The following VILL variants were observed in gnomAD, a reference collection of about 807,000 sequenced individuals.
The protein encoded by VILL is villin-like protein.
A neutral mutation model predicts 106.3 loss-of-function variants in VILL; 102 were observed. That is an observed-to-expected ratio of 0.96 (90% confidence interval 0.82 to 1.13). The LOEUF (loss-of-function observed/expected upper bound fraction) is 1.13. Among genes scored for constraint, VILL ranks in the 50% most tolerant of loss-of-function variants. VILL has a pLI of 0.00. For missense variants in VILL, 1,076 were observed against 1,116.6 expected (o/e 0.96, Z 0.52); for synonymous variants, 431 against 440.3 (o/e 0.98, Z 0.27).
rs1246389835 is a variant in VILL, at chr3:37,993,959, A to G, written c.122A>G (p.Tyr41Cys). Residue 41 changes from tyrosine (Y) to cysteine (C), a missense_variant, in exon 3 of 20, where the codon TAT becomes TGT. Physicochemically the swap from Tyr to Cys is radical, Grantham distance 194. Transcript: ENST00000383759. The stretch of plus-strand genomic sequence containing the variant: ...GGGAACTTTTTTGAGGAACACTGCT[A>G]TGTCATCCTCCACGTGAGTCGCTTG... ...AYGNFFEEHCYVILHVPQSPK... is the reference protein window; with the variant it reads ...AYGNFFEEHCCVILHVPQSPK... 2.1e-5 allele frequency: 34 copies of G among 1,614,042 alleles called. No homozygotes were observed. Among genetic ancestry groups the G allele is most frequent in the Non-Finnish European group, 2.9e-5 (34 of 1,180,032 alleles).
chr3:37,993,579 T>C lies in VILL; in HGVS notation c.-86-8T>C. On this transcript the variant is annotated splice_polypyrimidine_tract_variant and splice_region_variant and intron_variant, in intron 1 of 19. Transcript: ENST00000383759. ...CCCTCCTAATAAAAGTCATGTTCTA[T>C]AATGAAGTTGTACAGGTAGCCAGGT... 8.6e-7 allele frequency: 1 copy of C among 1,167,924 alleles called. No homozygotes were observed. Among genetic ancestry groups the C allele is most frequent in the Non-Finnish European group, 1.3e-6 (1 of 799,708 alleles). The allele number at this position is 1,167,924 out of a possible 1,614,324, so 72.3% of individuals were successfully genotyped here.
chr3:37,999,593 T>C (rs995431974), intron 11 of VILL, among the ~76,000 whole-genome samples, 154 bp downstream of exon 11: 1 of 152,148 alleles, frequency 6.6e-6, no homozygotes, highest in African/African-American at 2.4e-5. Context: ...CATACTCTCC[T>C]AGCAGGCAGT....
chr3:37,996,510 C>T (rs1036617958), intron 5 of VILL, among the ~76,000 whole-genome samples: 4 of 152,202 alleles, frequency 2.6e-5, no homozygotes, highest in Non-Finnish European at 5.9e-5. Flanking sequence ...AGGTGTACAA[C>T]GTCTACAGTG....
In VILL at chr3:37,998,895, G is replaced by A. The variant is rs759909935; in HGVS notation, c.943-17G>A. On this transcript the variant is annotated splice_polypyrimidine_tract_variant and intron_variant, in intron 9 of 19. Coordinates refer to ENST00000383759, the MANE Select transcript of VILL (RefSeq NM_015873.4). This position sits in a 1 kb window ranked among gnomAD's most constrained non-coding sequence, Gnocchi z 4.1. ...GGACTCTCAGGGTCGCAGGACTGAC[G>A]ATGCCTTCCGCCCCAGGGCTTCATC... The A allele has an allele frequency of 6.3e-7, 1 of 1,583,988 alleles. No individual in the cohort carries two copies.
In VILL at chr3:37,995,833, G is replaced by T. The variant is rs150800985; in HGVS notation, c.436G>T (p.Val146Leu). Residue 146 changes from valine to leucine, a missense_variant, in exon 5 of 20, where the codon GTG becomes TTG. Coordinates refer to ENST00000383759, the MANE Select transcript of VILL (RefSeq NM_015873.4). The stretch of plus-strand genomic sequence containing the variant: ...GCTGCACATCAAAGGGAGGAAGCAC[G>T]TGTCTGCCACTGAGGTGAGGCTGCC... ...RLLHIKGRKH[V>L]SATEVELSWN... The T allele has an allele frequency of 6.2e-7, 1 of 1,613,548 alleles. No individual in the cohort carries two copies. The highest frequency in any genetic ancestry group is 1.1e-5 in the South Asian group (1 of 91,054).
Position 38,005,893 on chromosome 3 carries a change from A to G in VILL, c.2052A>G (p.Thr684=). The G allele has an allele frequency of 2.5e-6, 4 of 1,614,100 alleles. No individual in the cohort carries two copies. Among genetic ancestry groups the G allele is most frequent in the South Asian group, 1.1e-5 (1 of 91,076 alleles). The change falls in exon 17 of 20, where the codon ACA becomes ACG. Residue 684 remains threonine (T), a synonymous_variant. Transcript: ENST00000383759. ...ACCCAGCAGGGAGGAGCCCGGCCAC[A>G]CCCATCGTGCTGGTCAAGCAGGGCC... ...KTHPAGRSPA[T]PIVLVKQGHE...
rs531684922 is a variant in VILL at position 37,998,687 on chromosome 3, G to A, written c.943-225G>A. Among the ~76,000 whole-genome samples, 2 of 152,258 alleles carry A rather than the reference G, an allele frequency of 1.3e-5. No individual in the cohort carries two copies. Among genetic ancestry groups the A allele is most frequent in the Admixed American group, 6.5e-5 (1 of 15,302 alleles). ...CTCTCTCTGTCTGGGGTCCGTGAGG[G>A]TTGACATGGCCTGTCCTGCACGAGG... On this transcript the variant is annotated intron_variant, in intron 9 of 19. Transcript: ENST00000383759. This position sits in a 1 kb window ranked among gnomAD's most constrained non-coding sequence, Gnocchi z 4.1.
In VILL at chr3:37,994,389, G is replaced by T; in HGVS notation, c.264G>T (p.Gly88=). 2 of 1,612,560 alleles carry T rather than the reference G, an allele frequency of 1.2e-6. No homozygotes were observed. Among genetic ancestry groups the T allele is most frequent in the Non-Finnish European group, 1.7e-6 (2 of 1,179,832 alleles). Residue 88 remains glycine (G), a synonymous_variant, in exon 4 of 20, where the codon GGG becomes GGT. Coordinates refer to ENST00000383759, the MANE Select transcript of VILL (RefSeq NM_015873.4). ...AFQQRLQDEL[G]GQTVLHREAQ... is the part of the protein sequence containing the mutation. ...AGCAGCGCCTACAGGACGAGCTGGG[G>T]GGCCAGACCGTGCTGCACCGCGAGG...
At position 37,999,045 on chromosome 3, in the gene VILL, G is replaced by A; in HGVS notation, c.1076G>A (p.Gly359Glu). The A allele has an allele frequency of 1.9e-6, 3 of 1,569,100 alleles. No individual in the cohort carries two copies. The highest frequency in any genetic ancestry group is 2.4e-5 in the East Asian group (1 of 42,406). ...CGGCGCAGGAACCAGAAGCTCGGCG[G>A]GAGGGGTGAGCGGGCGGGGCGGGGC... The part of the protein sequence containing the change: ...EKRRRNQKLG[G>E]RDKSIHVKLD... Residue 359 changes from glycine to glutamate, a missense_variant, in exon 10 of 20, where the codon GGG (glycine) becomes GAG (glutamate). By Grantham distance (98) the Gly-to-Glu change is moderately conservative. Coordinates refer to ENST00000383759, the MANE Select transcript of VILL (RefSeq NM_015873.4).
rs140199753 is a variant in VILL, at chr3:38,006,188, C to G, written c.2141C>G (p.Pro714Arg). 4 of 1,614,198 alleles carry G rather than the reference C, an allele frequency of 2.5e-6. No homozygotes were observed. In the South Asian group the frequency reaches 4.4e-5, roughly 18 times the overall value. ...CCCCGATTCTTGCTCCAGAGCCACC[C>G]GTCCCACAAGGAAGTGGTGGATGGC... ...TWDPYKWTSH[P>R]SHKEVVDGSP... The change falls in exon 18 of 20, where the codon CCG (proline) becomes CGG (arginine). Residue 714 changes from proline to arginine, a missense_variant. By Grantham distance (103) the Pro-to-Arg change is moderately radical. Transcript: ENST00000383759.
chr3:38,007,048 T>C lies in VILL; in HGVS notation c.2564T>C (p.Phe855Ser), dbSNP rs759467840. The change falls in exon 20 of 20, where the codon TTC becomes TCC. Residue 855 changes from phenylalanine (F) to serine (S), a missense_variant. Transcript: ENST00000383759. ...RQRQEKKQLG[F>S]F ...CGGCAGGAGAAAAAGCAGCTGGGCT[T>C]CTTCTGAACCCAAGCCCTCTCGACT... is the stretch of plus-strand genomic sequence containing the variant. 6.2e-7 allele frequency: 1 copy of C among 1,613,864 alleles called. No individual in the cohort carries two copies. Among genetic ancestry groups the C allele is most frequent in the East Asian group, 2.2e-5 (1 of 44,854 alleles).
Position 37,997,545 on chromosome 3 carries a change from T to C in VILL, c.624T>C (p.Gly208=), listed in dbSNP as rs1222125367. 1 of 1,613,996 alleles carries C rather than the reference T, an allele frequency of 6.2e-7. No homozygotes were observed. Among genetic ancestry groups the C allele is most frequent in the Non-Finnish European group, 8.5e-7 (1 of 1,180,002 alleles). The change falls in exon 7 of 20, where the codon GGT becomes GGC. Residue 208 remains glycine (G), a synonymous_variant. Transcript: ENST00000383759. This position sits in a 1 kb window ranked among gnomAD's most constrained non-coding sequence, Gnocchi z 4.7. ...RERGGGRAQI[G]VVDDEAKAPD... is the part of the protein sequence containing the mutation. ...GTGGTGGTGGTCGTGCACAGATTGG[T>C]GTGGTGGATGATGAGGCCAAAGCCC...
chr3:37,996,284 C>T (rs557390091), intron 5 of VILL, among the ~76,000 whole-genome samples: 16 of 152,240 alleles, frequency 1.1e-4, no homozygotes, highest in African/African-American at 2.2e-4. Context: ...TGCATAACCT[C>T]GCACTCTCTC....
At position 38,005,970 on chromosome 3, in the gene VILL, G is replaced by A. The variant is rs185753799; in HGVS notation, c.2129G>A (p.Trp710Ter). The A allele has an allele frequency of 7.5e-6, 12 of 1,610,138 alleles. No homozygotes were observed. The highest frequency in any genetic ancestry group is 1.7e-5 in the Admixed American group (1 of 59,744). ...GWFFTWDPYK[W>*]TSHPSHKEVV... Reference sequence around the variant, plus strand: ...TTCTTCACTTGGGACCCCTACAAGTGGACTGTGAGTGAGGCCTGAAACCCC... The same window carrying A: ...TTCTTCACTTGGGACCCCTACAAGTAGACTGTGAGTGAGGCCTGAAACCCC... Residue 710 changes from tryptophan (W) to a stop codon, truncating the protein, a stop_gained, in exon 17 of 20, where the codon TGG (tryptophan) becomes TAG (stop). Coordinates refer to ENST00000383759, the MANE Select transcript of VILL (RefSeq NM_015873.4). LOFTEE classifies it high-confidence loss of function.
rs748201368 is a variant in VILL, at chr3:37,998,091, G to A, written c.766G>A (p.Val256Ile). Residue 256 changes from valine to isoleucine, a missense_variant and splice_region_variant, in exon 8 of 20, where the codon GTC (valine) becomes ATC (isoleucine). Val to Ile is a conservative substitution (Grantham distance 29). Coordinates refer to ENST00000383759, the MANE Select transcript of VILL (RefSeq NM_015873.4). This position sits in a 1 kb window ranked among gnomAD's most constrained non-coding sequence, Gnocchi z 4.1. The stretch of plus-strand genomic sequence containing the variant: ...ACTCCTGGGTTCCTGTCCCCCCAGT[G>A]TCTATGAGAAGGGCAAAGACCTGGT... ...LQKANVRLYH[V>I]YEKGKDLVVL... 1 of 1,608,240 alleles carries A rather than the reference G, an allele frequency of 6.2e-7. No homozygotes were observed. The highest frequency in any genetic ancestry group is 1.1e-5 in the South Asian group (1 of 90,106).
At chr3:37,996,265 G>C (rs74937282) in intron 5 of VILL, among the ~76,000 whole-genome samples, 1 of 152,158 alleles carries the variant, frequency 6.6e-6, no homozygotes, top group Non-Finnish European at 1.5e-5. Context: ...GCAGCACAGT[G>C]AGAGGTGGTG....
rs1699950983 is a variant in VILL, at chr3:38,007,134, CTCAGAGGCTTTTGGTCATCCTCTGCGTG to C, written c.*84_*111del. The C allele has an allele frequency of 2.5e-6, 3 of 1,216,138 alleles. No homozygotes were observed. The East Asian group carries it at 7.0e-5, about 28-fold the overall frequency. The allele number at this position is 1,216,138 out of a possible 1,614,324, so 75.3% of individuals were successfully genotyped here. On this transcript the variant is annotated 3_prime_UTR_variant, in exon 20 of 20. Coordinates refer to ENST00000383759, the MANE Select transcript of VILL (RefSeq NM_015873.4). ...CTGGGGAGGCCCTGCTTCCACTCCC[CTCAGAGGCTTTTGGTCATCCTCTGCGTG>C]TCAGTAAAAGCAGGCAGCCCATACG...
At chr3:37,995,316 A>G (rs9823482) in intron 4 of VILL, among the ~76,000 whole-genome samples, 42,352 of 152,240 alleles carry the variant, frequency 0.28, 7,107 homozygotes, top group African/African-American at 0.47. Flanking sequence ...ATGCACACAA[A>G]CATATGCGCA....
At chr3:38,006,374 C>CT in intron 18 of VILL, 75 bp from the exon 19 acceptor site, 1 of 1,593,464 alleles carries the variant, frequency 6.3e-7, no homozygotes, top group South Asian at 1.1e-5. Context: ...GGTAAGAGGC[C>CT]TGTGGGTTCA....
Sources: allele counts gnomAD v4.1 joint callset (sites outside exome capture counted in the v4.1 genomes callset), GRCh38; gene constraint gnomAD v4.1.1; non-coding constraint Gnocchi (gnomAD v3.1); transcripts MANE v1.5; gene names NCBI Gene and HGNC (gene_info 2026-07-23, HGNC 2026-07-21).